Variants in NAV3 observed in about 807,000 individuals in gnomAD.
NAV3 encodes the protein neuron navigator 3.
Under a neutral mutation model 244.7 loss-of-function variants are expected in NAV3, and 87 were observed. The observed-to-expected ratio is 0.36, with a 90% CI of 0.30 to 0.42. The LOEUF (loss-of-function observed/expected upper bound fraction) is 0.42. Among genes scored for constraint, NAV3 ranks in the 20% least tolerant of loss-of-function variants. The pLI is 1.00. For synonymous variants in NAV3, 1,126 were observed against 1,042.2 expected, an observed-to-expected ratio of 1.08 and a Z score of -1.55; for missense variants, 2,663 against 2,893.3, an observed-to-expected ratio of 0.92 and a Z score of 1.83.
intron 2 of NAV3, among the ~76,000 whole-genome samples, chr12:77,652,411 C>T (rs891980059): frequency 7.9e-5 from 12 of 152,110 alleles, no homozygotes; most frequent in African/African-American, 2.9e-4. Context: ...TTCCTAGTAC[C>T]TAATATCTGT....
intron 30 of NAV3, among the ~76,000 whole-genome samples, chr12:78,184,836 A>G (rs186542651): frequency 6.6e-6 from 1 of 151,924 alleles, no homozygotes; most frequent in Admixed American, 6.6e-5. Context: ...TAGTATTATT[A>G]TTAAAGGAAA....
intron 2 of NAV3, among the ~76,000 whole-genome samples, chr12:77,609,716 C>A (rs974577594): frequency 1.3e-5 from 2 of 149,262 alleles, no homozygotes; most frequent in African/African-American, 4.9e-5. Context: ...CAGTATCTTT[C>A]CCTGAGTGAC....
intron 19 of NAV3, among the ~76,000 whole-genome samples, chr12:78,139,026 T>C (rs1956492962): frequency 6.6e-6 from 1 of 152,178 alleles, no homozygotes; most frequent in African/African-American, 2.4e-5. Flanking sequence ...GTCTAATTAA[T>C]TGTCCACCTT....
At chr12:77,680,823 GA>G (rs1225809405) in intron 2 of NAV3, among the ~76,000 whole-genome samples, 1 of 152,122 alleles carries the variant, frequency 6.6e-6, no homozygotes, top group East Asian at 1.9e-4. Context: ...GCCAGGAGTC[GA>G]AAGTGGAGTA....
chr12:78,033,707 A>G (rs974348528), intron 9 of NAV3, among the ~76,000 whole-genome samples: 5 of 152,102 alleles, frequency 3.3e-5, no homozygotes, highest in Admixed American at 3.3e-4. Flanking sequence ...CCTTTTGATA[A>G]GCCTTCTCTA....
intron 2 of NAV3, among the ~76,000 whole-genome samples, chr12:77,573,064 AG>A (rs1868904641): frequency 2.0e-5 from 3 of 152,208 alleles, no homozygotes; most frequent in African/African-American, 7.2e-5. Flanking sequence ...GGACTCTGCT[AG>A]TACAGGATAG....
At chr12:78,165,684 A>C (rs1437338653) in intron 23 of NAV3, among the ~76,000 whole-genome samples, 1 of 151,872 alleles carries the variant, frequency 6.6e-6, no homozygotes, top group East Asian at 1.9e-4. Flanking sequence ...CTTAAAAAAT[A>C]AATGTGAACA....
At chr12:77,611,456 A>G (rs1188980949) in intron 2 of NAV3, among the ~76,000 whole-genome samples, 1 of 151,972 alleles carries the variant, frequency 6.6e-6, no homozygotes, top group African/African-American at 2.4e-5. Flanking sequence ...TTTCTCCTAT[A>G]AAATATTTTC....
intron 2 of NAV3, among the ~76,000 whole-genome samples, chr12:77,590,137 A>G (rs1322055716): frequency 6.6e-6 from 1 of 152,208 alleles, no homozygotes; most frequent in Non-Finnish European, 1.5e-5. Flanking sequence ...TCATCTTTCC[A>G]TATCATAAAT....
At chr12:77,731,014 A>G (rs1592627482) in intron 2 of NAV3, among the ~76,000 whole-genome samples, 1 of 152,116 alleles carries the variant, frequency 6.6e-6, no homozygotes, top group Middle Eastern at 3.4e-3. Flanking sequence ...ATTAAAAAAC[A>G]AAGATAAATA....
chr12:77,772,152 G>A (rs151234928), intron 2 of NAV3, among the ~76,000 whole-genome samples: 1 of 152,090 alleles, frequency 6.6e-6, no homozygotes, highest in Non-Finnish European at 1.5e-5. Flanking sequence ...GCTTAGAAGG[G>A]TTGTGTAGCT....
intron 5 of NAV3, among the ~76,000 whole-genome samples, chr12:77,991,342 G>T (rs887236059): frequency 6.6e-6 from 1 of 152,068 alleles, no homozygotes; most frequent in South Asian, 2.1e-4. Flanking sequence ...TTTTTTAAGA[G>T]ACAAGAGTAG....
At chr12:78,022,319 A>T (rs1877294821) in intron 9 of NAV3, among the ~76,000 whole-genome samples, 1 of 152,164 alleles carries the variant, frequency 6.6e-6, no homozygotes, top group East Asian at 1.9e-4. Flanking sequence ...TAAGAAAAAA[A>T]ATACATATCC....
chr12:78,077,890 A>G (rs760602265), intron 12 of NAV3, among the ~76,000 whole-genome samples: 3 of 152,204 alleles, frequency 2.0e-5, no homozygotes, highest in Non-Finnish European at 4.4e-5. Flanking sequence ...GTGAGCCAAG[A>G]TCACGCCTTT....
chr12:77,797,293 A>G (rs1181466096), intron 2 of NAV3, among the ~76,000 whole-genome samples: 1 of 152,162 alleles, frequency 6.6e-6, no homozygotes, highest in Non-Finnish European at 1.5e-5. Flanking sequence ...TAGTAAGAGT[A>G]TTACTCAAGT....
chr12:77,689,110 G>T lies in NAV3; in HGVS notation c.72+116844G>T, dbSNP rs1359139073. ...AGATTTTATCAATAGGACCAAATAT[G>T]AAAGATCTCAACACACTCAGCAGAT... is the stretch of plus-strand genomic sequence containing the variant. On this transcript the variant is annotated intron_variant, in intron 2 of 8. Coordinates refer to the NAV3 transcript ENST00000550042. 2.6e-5 allele frequency among the ~76,000 whole-genome samples: 4 copies of T among 151,870 alleles called. No homozygotes were observed. In the East Asian group the frequency reaches 7.7e-4, roughly 29 times the overall value.
chr12:77,599,209 T>A (rs148063243), intron 2 of NAV3, among the ~76,000 whole-genome samples: 2 of 152,098 alleles, frequency 1.3e-5, no homozygotes, highest in African/African-American at 4.8e-5. Context: ...TTCTTCGTTT[T>A]TAATGCTGCA....
intron 12 of NAV3, among the ~76,000 whole-genome samples, chr12:78,086,112 C>T (rs1480018447): frequency 6.6e-6 from 1 of 152,036 alleles, no homozygotes; most frequent in Non-Finnish European, 1.5e-5. Context: ...CTGGCGTTTA[C>T]CCGTGCAGGA....
At chr12:77,833,583 G>A (rs941946684) in intron 1 of NAV3, among the ~76,000 whole-genome samples, 1 of 152,188 alleles carries the variant, frequency 6.6e-6, no homozygotes, top group Non-Finnish European at 1.5e-5. Flanking sequence ...TCCAGTGGGC[G>A]TGTGTTACAG....
Sources: allele counts gnomAD v4.1 joint callset (sites outside exome capture counted in the v4.1 genomes callset), GRCh38; gene constraint gnomAD v4.1.1; transcripts MANE v1.5; gene names NCBI Gene and HGNC (gene_info 2026-07-23, HGNC 2026-07-21).